Variants in MYRIP observed in about 807,000 individuals in gnomAD.
MYRIP encodes myosin VIIA and Rab interacting protein, also known as rab effector MyRIP.
In MYRIP, 49 loss-of-function variants were observed where a neutral mutation model predicts 98.0. That is an observed-to-expected ratio of 0.50 (90% CI 0.40 to 0.63). MYRIP has a LOEUF of 0.63. MYRIP is among the 30% of genes least tolerant of loss of function. The pLI, the probability that MYRIP is intolerant of heterozygous loss-of-function variation, is 0.00. For missense variants in MYRIP, 1,004 were observed against 1,058.2 expected (o/e 0.95, Z 0.71); for synonymous variants, 404 against 409.5 (o/e 0.99, Z 0.16).
At chr3:40,072,100 G>A (rs1279318826) in intron 3 of MYRIP, among the ~76,000 whole-genome samples, 1 of 152,226 alleles carries the variant, frequency 6.6e-6, no homozygotes, top group Non-Finnish European at 1.5e-5. Context: ...CTCAGGGGCC[G>A]GATGCAGAAA....
At chr3:39,979,829 T>G (rs1265933018) in intron 2 of MYRIP, among the ~76,000 whole-genome samples, 1 of 152,166 alleles carries the variant, frequency 6.6e-6, no homozygotes, top group Non-Finnish European at 1.5e-5. Context: ...AGCCATCACA[T>G]AAATACTTTG....
chr3:40,055,640 A>G lies in MYRIP; in HGVS notation c.332+11369A>G, dbSNP rs562392953. Among the ~76,000 whole-genome samples, 178 of 152,338 alleles carry G rather than the reference A, an allele frequency of 1.2e-3. 2 individuals carry two copies. The South Asian group carries it at 0.034, about 29-fold the overall frequency. ...CACTCAGCCATACCATACCAAGGAC[A>G]TGAACAGGCCTTACAACAGATAATC... On this transcript the variant is annotated intron_variant, in intron 3 of 16. Transcript: ENST00000302541.
chr3:39,829,228 G>A (rs558864446), intron 1 of MYRIP, among the ~76,000 whole-genome samples: 3 of 152,288 alleles, frequency 2.0e-5, no homozygotes, highest in African/African-American at 7.2e-5. Flanking sequence ...CTGATCGTCA[G>A]TATGATTGAG....
chr3:40,167,034 TC>T (rs1950515741), intron 6 of MYRIP, 91 bp downstream of exon 6: 3 of 1,355,972 alleles, frequency 2.2e-6, no homozygotes, highest in Admixed American at 3.4e-5. Context: ...GAAATCAATG[TC>T]CCAGCAGCTC....
chr3:40,167,938 G>A (rs1387939762), intron 7 of MYRIP, among the ~76,000 whole-genome samples: 1 of 152,132 alleles, frequency 6.6e-6, no homozygotes, highest in East Asian at 1.9e-4. Flanking sequence ...CCAACACATC[G>A]ATGTATGCAC....
intron 2 of MYRIP, among the ~76,000 whole-genome samples, chr3:40,007,787 T>C (rs754784204): frequency 3.0e-4 from 46 of 152,324 alleles, no homozygotes; most frequent in South Asian, 1.5e-3. Flanking sequence ...AGAGTTGCAC[T>C]TCAGTCCAAA....
chr3:39,869,130 T>A (rs2125627651), intron 1 of MYRIP, among the ~76,000 whole-genome samples: 1 of 152,366 alleles, frequency 6.6e-6, no homozygotes, highest in South Asian at 2.1e-4. Context: ...CTCCACATTA[T>A]TTATTCAGAT....
intron 2 of MYRIP, among the ~76,000 whole-genome samples, chr3:39,948,001 T>C (rs12715350): frequency 0.19 from 28,977 of 152,114 alleles, 4,026 homozygotes; most frequent in African/African-American, 0.39. Flanking sequence ...TTGAAGACTA[T>C]CAAGATGACA....
chr3:39,966,837 T>C (rs1945454508), intron 2 of MYRIP, among the ~76,000 whole-genome samples: 1 of 152,186 alleles, frequency 6.6e-6, no homozygotes, highest in African/African-American at 2.4e-5. Context: ...GGTTTCCAAA[T>C]GGCTGAACCC....
intron 8 of MYRIP, 118 bp from the exon 9 acceptor site, chr3:40,182,102 C>A (rs760104984): frequency 4.5e-5 from 50 of 1,113,204 alleles, no homozygotes; most frequent in Non-Finnish European, 6.1e-5. Context: ...TGAAAAGAGC[C>A]ATTACCATTA....
chr3:39,899,828 T>G (rs964279664), intron 1 of MYRIP, among the ~76,000 whole-genome samples: 2 of 152,214 alleles, frequency 1.3e-5, no homozygotes, highest in African/African-American at 4.8e-5. Flanking sequence ...TATTTGCCAT[T>G]TCTATTTTTT....
At chr3:39,975,910 A>G (rs895500472) in intron 2 of MYRIP, among the ~76,000 whole-genome samples, 2 of 152,252 alleles carry the variant, frequency 1.3e-5, no homozygotes, top group Non-Finnish European at 2.9e-5. Context: ...CAGATGGATT[A>G]AAGACTTAAA....
intron 2 of MYRIP, among the ~76,000 whole-genome samples, chr3:40,032,329 A>G (rs892949592): frequency 2.0e-5 from 3 of 151,984 alleles, no homozygotes; most frequent in South Asian, 2.1e-4. Context: ...CATGTAGTTG[A>G]GCGGTTTTGA....
chr3:39,961,629 C>T (rs1011612791), intron 2 of MYRIP, among the ~76,000 whole-genome samples: 1 of 152,082 alleles, frequency 6.6e-6, no homozygotes, highest in African/African-American at 2.4e-5. Context: ...CCTGACCTTG[C>T]TCTCTGGAAG....
chr3:39,931,323 T>C (rs1944531578), intron 2 of MYRIP, among the ~76,000 whole-genome samples: 1 of 152,064 alleles, frequency 6.6e-6, no homozygotes, highest in African/African-American at 2.4e-5. Context: ...AAAGTTACCA[T>C]TTTGGCTTGT....
At chr3:39,874,600 A>C (rs920226437) in intron 1 of MYRIP, among the ~76,000 whole-genome samples, 16 of 152,150 alleles carry the variant, frequency 1.1e-4, no homozygotes, top group South Asian at 2.1e-4. Flanking sequence ...TGAGATAATC[A>C]TGCGGTTTTT....
At chr3:40,201,231 T>C (rs913176530) in intron 10 of MYRIP, among the ~76,000 whole-genome samples, 1 of 152,318 alleles carries the variant, frequency 6.6e-6, no homozygotes. Context: ...TTTCCAGATA[T>C]TCTATATGGA....
At chr3:40,064,554 A>C (rs1948088332) in intron 3 of MYRIP, among the ~76,000 whole-genome samples, 1 of 152,178 alleles carries the variant, frequency 6.6e-6, no homozygotes, top group Non-Finnish European at 1.5e-5. Context: ...TTAGGGGGAA[A>C]ATGTCTGAAA....
At chr3:40,049,466 A>G (rs1470148584) in intron 3 of MYRIP, among the ~76,000 whole-genome samples, 3 of 152,082 alleles carry the variant, frequency 2.0e-5, no homozygotes, top group African/African-American at 4.8e-5. Flanking sequence ...AACCACACCC[A>G]TATAAGACAG....
Sources: gnomAD v4.1 joint callset for allele counts (sites outside exome capture counted in the v4.1 genomes callset) on GRCh38, gnomAD v4.1.1 for gene constraint, MANE v1.5 for transcripts, NCBI Gene and HGNC (gene_info 2026-07-23, HGNC 2026-07-21) for gene names.